NR6A1: variants seen among roughly 807,000 people sequenced by gnomAD.
The protein encoded by NR6A1 is retinoic acid receptor-related testis-associated receptor.
A neutral mutation model predicts 59.1 loss-of-function variants in NR6A1; 7 were observed. The ratio of observed to expected loss-of-function variants is 0.12; its 90% CI spans 0.07 to 0.22. The LOEUF (loss-of-function observed/expected upper bound fraction) is 0.22. Ranked by LOEUF, NR6A1 falls within the 10% of genes least tolerant of loss-of-function variation. The pLI is 1.00. For missense variants in NR6A1, 468 were observed against 611.6 expected (o/e 0.77, Z 2.48); for synonymous variants, 243 against 236.1 (o/e 1.03, Z -0.27).
intron 2 of NR6A1, among the ~76,000 whole-genome samples, chr9:124,561,967 G>A (rs1409127510): frequency 6.6e-6 from 1 of 152,206 alleles, no homozygotes; most frequent in Non-Finnish European, 1.5e-5. Context: ...ATTAGCACCA[G>A]TCAGCCTGGT....
At chr9:124,745,987 CAA>C (rs755252377) in intron 1 of NR6A1, among the ~76,000 whole-genome samples, 26 of 58,398 alleles carry the variant, frequency 4.5e-4, no homozygotes, top group African/African-American at 1.1e-3. Flanking sequence ...GACTCTGTCT[CAA>C]AAAAAAAAAA....
At chr9:124,709,676 G>T (rs1839220256) in intron 2 of NR6A1, among the ~76,000 whole-genome samples, 1 of 152,164 alleles carries the variant, frequency 6.6e-6, no homozygotes, top group African/African-American at 2.4e-5. Context: ...GCGCACACCT[G>T]TAATCTCAGC....
intron 2 of NR6A1, among the ~76,000 whole-genome samples, chr9:124,585,382 T>C (rs1243122966): frequency 7.3e-5 from 11 of 151,458 alleles, no homozygotes; most frequent in Non-Finnish European, 4.4e-5. Flanking sequence ...CTACTAAAAA[T>C]ACAAAAACAA....
chr9:124,540,999 T>C (rs146497242), intron 4 of NR6A1, among the ~76,000 whole-genome samples: 7 of 152,240 alleles, frequency 4.6e-5, no homozygotes, highest in African/African-American at 1.7e-4. Flanking sequence ...ATTAAATATT[T>C]AAATGTAAGA....
intron 2 of NR6A1, among the ~76,000 whole-genome samples, chr9:124,603,133 A>C (rs1291957758): frequency 6.6e-6 from 1 of 152,224 alleles, no homozygotes; most frequent in Non-Finnish European, 1.5e-5. Context: ...CCTAAAATAT[A>C]CTACGACATT....
chr9:124,659,568 A>G (rs1483162439), intron 2 of NR6A1, among the ~76,000 whole-genome samples: 1 of 152,098 alleles, frequency 6.6e-6, no homozygotes, highest in Non-Finnish European at 1.5e-5. Context: ...GAAGTGCCCC[A>G]AGCTTCTCCC....
In NR6A1 at chr9:124,711,332, C is replaced by T. The variant is rs185252930; in HGVS notation, c.142+21976G>A. Among the ~76,000 whole-genome samples, 61 of 151,944 alleles carry T rather than the reference C, an allele frequency of 4.0e-4. No individual in the cohort carries two copies. The East Asian group carries it at 6.8e-3, about 17-fold the overall frequency. Reference sequence around the variant, plus strand: ...TTTTCACAGCCCTATAAATTCTATCCACCACTTCATGGAATCTCACACCCC... The same window carrying T: ...TTTTCACAGCCCTATAAATTCTATCTACCACTTCATGGAATCTCACACCCC... On this transcript the variant is annotated intron_variant, in intron 2 of 9. Transcript: ENST00000487099.
At chr9:124,695,960 G>A (rs1256099962) in intron 2 of NR6A1, among the ~76,000 whole-genome samples, 1 of 152,070 alleles carries the variant, frequency 6.6e-6, no homozygotes, top group Non-Finnish European at 1.5e-5. Flanking sequence ...ATAAAACTAA[G>A]TACTACAAGA....
Position 124,531,277 on chromosome 9 carries a change from G to A in NR6A1, c.1080-4377C>T, listed in dbSNP as rs977069928. Among the ~76,000 whole-genome samples the A allele has an allele frequency of 2.6e-5, 4 of 152,334 alleles. No individual in the cohort carries two copies. The South Asian group carries it at 8.3e-4, about 32-fold the overall frequency. Reference sequence around the variant, plus strand: ...AGAGGAGTCTTGATTAGGGCCAGGAGCAGTCACTGGCTGGTGCTACAATCT... The same window carrying A: ...AGAGGAGTCTTGATTAGGGCCAGGAACAGTCACTGGCTGGTGCTACAATCT... On this transcript the variant is annotated intron_variant, in intron 7 of 9. Coordinates refer to ENST00000487099, the MANE Select transcript of NR6A1 (RefSeq NM_033334.4).
intron 2 of NR6A1, among the ~76,000 whole-genome samples, chr9:124,725,235 T>C: frequency 6.6e-6 from 1 of 152,126 alleles, no homozygotes; most frequent in Non-Finnish European, 1.5e-5. Flanking sequence ...ATGGACATGG[T>C]ACAGGGACAC....
chr9:124,716,466 T>C (rs2071219517), intron 2 of NR6A1, among the ~76,000 whole-genome samples: 1 of 152,138 alleles, frequency 6.6e-6, no homozygotes. Context: ...TTGGACTTCA[T>C]AAAAATTTTA....
At chr9:124,623,041 A>G (rs938599116) in intron 2 of NR6A1, among the ~76,000 whole-genome samples, 3 of 152,126 alleles carry the variant, frequency 2.0e-5, no homozygotes, top group South Asian at 2.1e-4. Flanking sequence ...ATCCAGAAGT[A>G]TATTTCCCTC....
At chr9:124,635,409 C>G (rs113825992) in intron 2 of NR6A1, among the ~76,000 whole-genome samples, 1 of 152,198 alleles carries the variant, frequency 6.6e-6, no homozygotes, top group Non-Finnish European at 1.5e-5. Context: ...TAGTTTCTCA[C>G]GAGATCTGAT....
chr9:124,551,668 C>T (rs1168055622), intron 3 of NR6A1, among the ~76,000 whole-genome samples: 1 of 152,224 alleles, frequency 6.6e-6, no homozygotes, highest in Admixed American at 6.5e-5. Flanking sequence ...TAATTTGTAA[C>T]ACCAGCTAGA....
At chr9:124,651,297 G>A (rs879866501) in intron 2 of NR6A1, among the ~76,000 whole-genome samples, 16 of 152,084 alleles carry the variant, frequency 1.1e-4, no homozygotes, top group Non-Finnish European at 1.6e-4. Flanking sequence ...GGGCTCAAGT[G>A]ATCCGTCCAC....
chr9:124,518,743 T>C lies in NR6A1; in HGVS notation c.*3962A>G, dbSNP rs1030168372. On this transcript the variant is annotated 3_prime_UTR_variant, in exon 10 of 10. Transcript: ENST00000487099. ...AGTAGCGGATTTTTTTGTTAAATTT[T>C]GTTTGTTTTTTGGGTTTTTTTTTTT... 6 of 150,702 alleles carry C rather than the reference T, an allele frequency of 4.0e-5. No homozygotes were observed. The highest frequency in any genetic ancestry group is 7.4e-5 in the Non-Finnish European group (5 of 67,780). The allele number at this position is 150,702 out of a possible 1,614,324, so 9.3% of individuals were successfully genotyped here.
intron 2 of NR6A1, among the ~76,000 whole-genome samples, chr9:124,723,657 T>C (rs1839628792): frequency 6.6e-6 from 1 of 152,232 alleles, no homozygotes. Flanking sequence ...AATTTCAACA[T>C]TATACTACAT....
chr9:124,582,811 A>C (rs1292062013), intron 2 of NR6A1, among the ~76,000 whole-genome samples: 2 of 152,186 alleles, frequency 1.3e-5, no homozygotes, highest in Admixed American at 6.5e-5. Context: ...TTGTTTGAGC[A>C]TAAGAGTTCA....
intron 3 of NR6A1, among the ~76,000 whole-genome samples, chr9:124,551,036 A>T (rs1030957803): frequency 2.0e-5 from 3 of 151,992 alleles, no homozygotes; most frequent in African/African-American, 7.3e-5. Context: ...GCCCTTTGAT[A>T]TGCTTCCTTT....
Sources: gnomAD v4.1 joint callset for allele counts (sites outside exome capture counted in the v4.1 genomes callset) on GRCh38, gnomAD v4.1.1 for gene constraint, MANE v1.5 for transcripts, NCBI Gene and HGNC (gene_info 2026-07-23, HGNC 2026-07-21) for gene names.